The following CLASP2 variants were observed in gnomAD, a reference collection of about 807,000 sequenced individuals.
CLASP2 encodes CLIP-associating protein 2.
Under a neutral mutation model 194.4 loss-of-function variants are expected in CLASP2, and 47 were observed. That is an observed-to-expected ratio of 0.24 (90% CI 0.19 to 0.31). The LOEUF (loss-of-function observed/expected upper bound fraction) is 0.31. Among genes scored for constraint, CLASP2 ranks in the 10% least tolerant of loss-of-function variants. The pLI is 1.00. For missense variants in CLASP2, 1,445 were observed against 1,823.6 expected (o/e 0.79, Z 3.78); for synonymous variants, 619 against 633.5 (o/e 0.98, Z 0.34).
chr3:33,648,333 A>C (rs2082627065), intron 7 of CLASP2, among the ~76,000 whole-genome samples: 1 of 152,082 alleles, frequency 6.6e-6, no homozygotes, highest in Admixed American at 6.5e-5. Context: ...ATCAAAAGAA[A>C]GCTGGTGTAG....
At chr3:33,630,570 C>T (rs975774221) in intron 9 of CLASP2, among the ~76,000 whole-genome samples, 3 of 149,302 alleles carry the variant, frequency 2.0e-5, no homozygotes, top group African/African-American at 7.5e-5. Flanking sequence ...AAAAAAAAAT[C>T]AGATTCTAAT....
At chr3:33,536,863 T>C (rs1451662893) in intron 33 of CLASP2, among the ~76,000 whole-genome samples, 1 of 152,194 alleles carries the variant, frequency 6.6e-6, no homozygotes, top group Admixed American at 6.5e-5. Flanking sequence ...TCAACAACTC[T>C]TGTCCATGGA....
At chr3:33,669,914 C>T (rs944205495) in intron 6 of CLASP2, among the ~76,000 whole-genome samples, 1 of 152,012 alleles carries the variant, frequency 6.6e-6, no homozygotes, top group Non-Finnish European at 1.5e-5. Context: ...AAAGCATATA[C>T]AAGAAAGTTA....
chr3:33,600,953 C>CTTT (rs1205156622), intron 18 of CLASP2, among the ~76,000 whole-genome samples: 1,298 of 105,750 alleles, frequency 0.012, 4 homozygotes, highest in Non-Finnish European at 0.015. Context: ...CTTGATAAGG[C>CTTT]TTTTTTTTTT....
chr3:33,555,310 C>T (rs1407310841), intron 29 of CLASP2, among the ~76,000 whole-genome samples: 1 of 151,534 alleles, frequency 6.6e-6, no homozygotes, highest in Non-Finnish European at 1.5e-5. Context: ...AAAGAGACTT[C>T]TGGTTAGTTT....
In CLASP2 at chr3:33,645,053, A is replaced by G. The variant is rs757470945; in HGVS notation, c.716-150T>C. 14 of 781,426 alleles carry G rather than the reference A, an allele frequency of 1.8e-5. No individual in the cohort carries two copies. In the East Asian group the frequency reaches 3.5e-4, roughly 19 times the overall value. 48.4% of individuals were successfully genotyped at this position (781,426 alleles called of 1,614,324 possible). On this transcript the variant is annotated intron_variant, in intron 7 of 38. Coordinates refer to ENST00000682230, the MANE Select transcript of CLASP2 (RefSeq NM_001365631.1). ...AAAGGTCCTTTGAATAAGCATTTAT[A>G]TATTGGCTAACACCATATAAAATAA...
At chr3:33,605,116 A>T (rs915600584) in intron 16 of CLASP2, among the ~76,000 whole-genome samples, 1 of 152,208 alleles carries the variant, frequency 6.6e-6, no homozygotes, top group African/African-American at 2.4e-5. Context: ...ATCTTCCTTT[A>T]GATCCTTTGT....
chr3:33,538,684 T>G, intron 33 of CLASP2, 105 bp downstream of exon 33: 1 of 921,432 alleles, frequency 1.1e-6, no homozygotes, highest in South Asian at 2.2e-5. Context: ...GAGTGACTGA[T>G]CCCTAGAAAA....
At chr3:33,510,514 C>T in intron 37 of CLASP2, 44 bp downstream of exon 37, 1 of 1,570,264 alleles carries the variant, frequency 6.4e-7, no homozygotes, top group Non-Finnish European at 8.8e-7. Flanking sequence ...TAACTGTATC[C>T]CAAATGTATC....
In CLASP2 at chr3:33,577,223, G is replaced by A. The variant is rs2065087866; in HGVS notation, c.2348-948C>T. 2.5e-6 allele frequency: 4 copies of A among 1,597,672 alleles called. No individual in the cohort carries two copies. In the Admixed American group the frequency reaches 6.7e-5, roughly 27 times the overall value. On this transcript the variant is annotated intron_variant, in intron 23 of 38. Transcript: ENST00000682230. ...TCACCTGAGGCCCCATACACTTCGG[G>A]GGCGTAGAGGGCACCAGTTGATCTG...
intron 37 of CLASP2, chr3:33,502,756 A>C (rs2154073318): frequency 6.6e-6 from 1 of 152,336 alleles, no homozygotes; most frequent in East Asian, 1.9e-4. Flanking sequence ...TTATCTTTCT[A>C]AAACAACTGC....
chr3:33,596,870 A>G (rs2154246616), intron 18 of CLASP2, 136 bp from the exon 19 acceptor site: 1 of 624,720 alleles, frequency 1.6e-6, no homozygotes. Context: ...CTTGTTTTCA[A>G]CTAAAACAGA....
At chr3:33,568,437 C>A (rs144863788) in intron 26 of CLASP2, among the ~76,000 whole-genome samples, 2 of 150,800 alleles carry the variant, frequency 1.3e-5, no homozygotes, top group African/African-American at 4.9e-5. Context: ...GACTGTAATC[C>A]CAGCTACTTG....
rs1484574780 is a variant in CLASP2, at chr3:33,535,309, T to C, written c.3711A>G (p.Ser1237=). Residue 1237 remains serine (S), a synonymous_variant, in exon 34 of 39, where the codon TCA becomes TCG. Transcript: ENST00000682230. ...RSRDYNPYNY[S]DSISPFNKSA... ...ACTTGTTGAAGGGACTGATGCTATC[T>C]GAATAGTTATATGGATTATAGTCTC... is the stretch of plus-strand genomic sequence containing the variant. 10 of 1,613,864 alleles carry C rather than the reference T, an allele frequency of 6.2e-6. No individual in the cohort carries two copies. Among genetic ancestry groups the C allele is most frequent in the Admixed American group, 1.7e-5 (1 of 59,988 alleles).
chr3:33,675,286 T>C (rs377739588), intron 6 of CLASP2, among the ~76,000 whole-genome samples: 5 of 152,060 alleles, frequency 3.3e-5, no homozygotes, highest in Admixed American at 2.6e-4. Flanking sequence ...GTTCAATATA[T>C]GCAAATCAAT....
At chr3:33,661,446 A>G (rs1205955579) in intron 7 of CLASP2, among the ~76,000 whole-genome samples, 1 of 152,246 alleles carries the variant, frequency 6.6e-6, no homozygotes. Flanking sequence ...TTTAGAGAGG[A>G]TATTAGCAGT....
chr3:33,634,986 C>T (rs1040720536), intron 8 of CLASP2, among the ~76,000 whole-genome samples: 6 of 151,894 alleles, frequency 4.0e-5, no homozygotes, highest in African/African-American at 7.3e-5. Context: ...GAGAGCCAGG[C>T]GCAGTGGCTC....
At chr3:33,599,295 T>A (rs2071368186) in intron 18 of CLASP2, among the ~76,000 whole-genome samples, 1 of 151,930 alleles carries the variant, frequency 6.6e-6, no homozygotes, top group African/African-American at 2.4e-5. Context: ...TGGTTAAATT[T>A]TTATTTTGGT....
At chr3:33,618,400 T>G (rs2076567727) in intron 12 of CLASP2, among the ~76,000 whole-genome samples, 1 of 152,038 alleles carries the variant, frequency 6.6e-6, no homozygotes, top group Non-Finnish European at 1.5e-5. Flanking sequence ...ATCCCAACAC[T>G]TTGGGAGGCT....
Sources: gnomAD v4.1 joint callset for allele counts (sites outside exome capture counted in the v4.1 genomes callset) on GRCh38, gnomAD v4.1.1 for gene constraint, MANE v1.5 for transcripts, NCBI Gene and HGNC (gene_info 2026-07-23, HGNC 2026-07-21) for gene names.